The following RBFOX3 variants were observed in gnomAD, a reference collection of about 807,000 sequenced individuals.
RBFOX3 encodes RNA binding fox-1 homolog 3.
A neutral mutation model predicts 48.7 loss-of-function variants in RBFOX3; 17 were observed. The ratio of observed to expected loss-of-function variants is 0.35; its 90% CI spans 0.24 to 0.52. The LOEUF is 0.52. RBFOX3 is among the 20% of genes least tolerant of loss of function. The probability of loss-of-function intolerance (pLI) is 0.94; values close to 1 mark genes in which losing one functional copy is unlikely to be tolerated. For missense variants in RBFOX3, 382 were observed against 497.5 expected (o/e 0.77, Z 2.21); for synonymous variants, 212 against 209.5 (o/e 1.01, Z -0.10).
chr17:79,465,861 T>C (rs1310573162), intron 2 of RBFOX3, among the ~76,000 whole-genome samples: 5 of 152,158 alleles, frequency 3.3e-5, no homozygotes, highest in Non-Finnish European at 7.4e-5. Flanking sequence ...AATCCCTCCC[T>C]AGCCTGGATG....
chr17:79,621,323 A>C, the RBFOX3 span, among the ~76,000 whole-genome samples: 24 of 152,200 alleles, frequency 1.6e-4, no homozygotes, highest in Middle Eastern at 6.8e-3. Flanking sequence ...TATTATCCCA[A>C]AGTTGAAACC....
chr17:79,187,184 C>T (rs570996737), intron 4 of RBFOX3, among the ~76,000 whole-genome samples: 9 of 152,294 alleles, frequency 5.9e-5, no homozygotes, highest in Non-Finnish European at 1.2e-4. Context: ...TTCTTTTGAC[C>T]CCTACCCATG....
chr17:79,421,444 C>G lies in RBFOX3; in HGVS notation c.-175+61010G>C, dbSNP rs1350281307. Among the ~76,000 whole-genome samples the G allele has an allele frequency of 6.6e-6, 1 of 152,150 alleles. No homozygotes were observed. Among genetic ancestry groups the G allele is most frequent in the African/African-American group, 2.4e-5 (1 of 41,434 alleles). ...GCCAAGCCTAGGGGCCTCTCCAGAG[C>G]CCACGGACCACAGCCACTGGCAGGA... On this transcript the variant is annotated intron_variant, in intron 2 of 14. Coordinates refer to ENST00000693108, the MANE Select transcript of RBFOX3 (RefSeq NM_001350451.2). This position sits in a 1 kb window ranked among gnomAD's most constrained non-coding sequence, Gnocchi z 4.5.
At chr17:79,475,746 G>C (rs911100821) in intron 2 of RBFOX3, among the ~76,000 whole-genome samples, 7 of 152,284 alleles carry the variant, frequency 4.6e-5, no homozygotes, top group South Asian at 4.2e-4. Flanking sequence ...CATGGGGGTG[G>C]GGTTGCCTCA....
At chr17:79,528,735 G>A (rs1009650130) in intron 1 of RBFOX3, among the ~76,000 whole-genome samples, 4 of 152,058 alleles carry the variant, frequency 2.6e-5, no homozygotes, top group Non-Finnish European at 4.4e-5. Context: ...CCACCGTCAC[G>A]GAGCACTGCG....
chr17:79,521,701 G>A (rs1217944711), intron 1 of RBFOX3, among the ~76,000 whole-genome samples: 1 of 150,536 alleles, frequency 6.6e-6, no homozygotes, highest in Non-Finnish European at 1.5e-5. Context: ...ACTCACACAC[G>A]GAGACACACT....
intron 2 of RBFOX3, among the ~76,000 whole-genome samples, chr17:79,462,516 G>C (rs1471086123): frequency 1.3e-5 from 2 of 152,148 alleles, no homozygotes; most frequent in African/African-American, 4.8e-5. Context: ...CTCTCAACTG[G>C]GGGCAAGTGT....
chr17:79,267,273 A>T (rs371026957), intron 3 of RBFOX3, among the ~76,000 whole-genome samples: 49 of 152,254 alleles, frequency 3.2e-4, no homozygotes, highest in Middle Eastern at 6.8e-3. Context: ...GGGTCGCTGA[A>T]ACTTTAGGGC....
intron 2 of RBFOX3, among the ~76,000 whole-genome samples, chr17:79,335,203 C>T (rs377042073): frequency 6.6e-6 from 1 of 152,228 alleles, no homozygotes; most frequent in South Asian, 2.1e-4. Context: ...TGCACAGACT[C>T]CAGCACACAG....
intron 2 of RBFOX3, among the ~76,000 whole-genome samples, chr17:79,460,971 G>C (rs2075294213): frequency 6.6e-6 from 1 of 152,080 alleles, no homozygotes; most frequent in Non-Finnish European, 1.5e-5. Flanking sequence ...CCTTTGCTCT[G>C]TGTGCAGTTC....
At chr17:79,662,535 G>A in the RBFOX3 span, among the ~76,000 whole-genome samples, 1 of 152,132 alleles carries the variant, frequency 6.6e-6, no homozygotes. Flanking sequence ...TTTGTCATGT[G>A]CCAGTCATAT....
intron 1 of RBFOX3, among the ~76,000 whole-genome samples, chr17:79,503,903 C>A (rs1290705373): frequency 1.3e-5 from 2 of 152,220 alleles, no homozygotes; most frequent in Middle Eastern, 3.2e-3. Context: ...GACGGGGATG[C>A]AAAACCCTTC....
At chr17:79,475,340 A>C (rs1471402602) in intron 2 of RBFOX3, among the ~76,000 whole-genome samples, 1 of 152,120 alleles carries the variant, frequency 6.6e-6, no homozygotes, top group Admixed American at 6.5e-5. Context: ...TCTTAAAATC[A>C]GCCAAGGGAT....
intron 2 of RBFOX3, among the ~76,000 whole-genome samples, chr17:79,354,553 C>T (rs887728538): frequency 5.3e-5 from 8 of 152,254 alleles, no homozygotes; most frequent in African/African-American, 1.4e-4. Context: ...GAACTAACCC[C>T]GGGACAGACT....
intron 2 of RBFOX3, among the ~76,000 whole-genome samples, chr17:79,352,372 G>A (rs1320161408): frequency 6.6e-6 from 1 of 152,136 alleles, no homozygotes; most frequent in Admixed American, 6.5e-5. Flanking sequence ...TTTGTCTTCT[G>A]CCATGATTGT....
At chr17:79,559,220 C>T (rs1390306122) in intron 1 of RBFOX3, among the ~76,000 whole-genome samples, 1 of 152,186 alleles carries the variant, frequency 6.6e-6, no homozygotes, top group South Asian at 2.1e-4. Context: ...TAATACCTAG[C>T]ATGCATTAAG....
At chr17:79,253,129 G>A (rs2064232629) in intron 3 of RBFOX3, among the ~76,000 whole-genome samples, 1 of 152,074 alleles carries the variant, frequency 6.6e-6, no homozygotes, top group Non-Finnish European at 1.5e-5. Flanking sequence ...GTAGATCCTG[G>A]CGGCCGACAG....
intron 8 of RBFOX3, among the ~76,000 whole-genome samples, chr17:79,102,316 G>T (rs1193993163): frequency 1.3e-5 from 2 of 152,220 alleles, no homozygotes; most frequent in Non-Finnish European, 2.9e-5. Context: ...GAAGGGGTCT[G>T]GGCTGTTCTG....
chr17:79,394,589 C>A (rs1163546774), intron 2 of RBFOX3, among the ~76,000 whole-genome samples: 1 of 152,216 alleles, frequency 6.6e-6, no homozygotes, highest in South Asian at 2.1e-4. Context: ...GTCCTCCCAG[C>A]GAGATGAGCA....
Sources: gnomAD v4.1 joint callset for allele counts (sites outside exome capture counted in the v4.1 genomes callset) on GRCh38, gnomAD v4.1.1 for gene constraint, Gnocchi (gnomAD v3.1) non-coding constraint, MANE v1.5 for transcripts, NCBI Gene and HGNC (gene_info 2026-07-23, HGNC 2026-07-21) for gene names.